BNC2: variants seen among roughly 807,000 people sequenced by gnomAD.
The protein encoded by BNC2 is basonuclin zinc finger protein 2, also known as zinc finger protein basonuclin-2.
BNC2 carries 20 observed loss-of-function variants against 76.3 expected under a neutral mutation model. The ratio of observed to expected loss-of-function variants is 0.26; its 90% CI spans 0.18 to 0.38. BNC2 has a LOEUF of 0.38. Among genes scored for constraint, BNC2 ranks in the 10% least tolerant of loss-of-function variants. The probability of loss-of-function intolerance (pLI) is 1.00; values close to 1 mark genes in which losing one functional copy is unlikely to be tolerated. For synonymous variants in BNC2, 582 were observed against 514.8 expected, an observed-to-expected ratio of 1.13 and a Z score of -1.77; for missense variants, 1,382 against 1,399.8, an observed-to-expected ratio of 0.99 and a Z score of 0.20.
intron 5 of BNC2, among the ~76,000 whole-genome samples, chr9:16,543,520 T>C (rs1034653503): frequency 6.6e-6 from 1 of 152,164 alleles, no homozygotes; most frequent in African/African-American, 2.4e-5. Context: ...CCTGGGGGAA[T>C]GCAAAAGCCT....
At chr9:16,690,558 C>T (rs1276878165) in intron 3 of BNC2, among the ~76,000 whole-genome samples, 2 of 152,110 alleles carry the variant, frequency 1.3e-5, no homozygotes, top group African/African-American at 4.8e-5. Context: ...AAATACAACA[C>T]AGTACTTATC....
intron 5 of BNC2, among the ~76,000 whole-genome samples, chr9:16,522,700 C>T (rs1313746585): frequency 6.6e-6 from 1 of 152,104 alleles, no homozygotes; most frequent in African/African-American, 2.4e-5. Context: ...CTTATTCCCC[C>T]TTTCCATCCA....
chr9:16,686,571 T>C (rs1822984801), intron 3 of BNC2, among the ~76,000 whole-genome samples: 1 of 152,226 alleles, frequency 6.6e-6, no homozygotes, highest in South Asian at 2.1e-4. Flanking sequence ...TTGTCTTCTT[T>C]CCCTATCAAA....
intron 3 of BNC2, among the ~76,000 whole-genome samples, chr9:16,594,069 G>A (rs1587212387): frequency 6.6e-6 from 1 of 152,074 alleles, no homozygotes; most frequent in East Asian, 1.9e-4. Flanking sequence ...AATATAATAT[G>A]ATAGAGAAGA....
chr9:16,663,130 C>CTTTTTTTTTTTTTTTTTTTTTTTTTTTT (rs71325979), intron 3 of BNC2, among the ~76,000 whole-genome samples: 6 of 99,610 alleles, frequency 6.0e-5, no homozygotes, highest in African/African-American at 2.1e-4. Flanking sequence ...TCTGTTTACT[C>CTTTTTTTTTTTTTTTTTTTTTTTTTTTT]TTTTTTTTTT....
chr9:16,615,394 G>A (rs1820669974), intron 3 of BNC2, among the ~76,000 whole-genome samples: 1 of 152,076 alleles, frequency 6.6e-6, no homozygotes, highest in African/African-American at 2.4e-5. Flanking sequence ...ATATATGCAA[G>A]GACTCTCTGA....
chr9:16,862,518 C>T (rs988842345), intron 1 of BNC2, among the ~76,000 whole-genome samples: 1 of 152,134 alleles, frequency 6.6e-6, no homozygotes, highest in Admixed American at 6.5e-5. Context: ...ATACCCCGTC[C>T]CAGCGCTGTT....
intron 1 of BNC2, among the ~76,000 whole-genome samples, chr9:16,840,405 A>T (rs566349384): frequency 6.6e-6 from 1 of 152,236 alleles, no homozygotes; most frequent in Non-Finnish European, 1.5e-5. Flanking sequence ...GAATGCCCAT[A>T]GTTAACATGG....
At chr9:16,792,213 A>T (rs1461043394) in intron 1 of BNC2, among the ~76,000 whole-genome samples, 1 of 148,312 alleles carries the variant, frequency 6.7e-6, no homozygotes, top group African/African-American at 2.5e-5. Context: ...AATCCTCATG[A>T]CAACCTACGT....
chr9:16,447,316 A>C (rs1318156847), intron 5 of BNC2, among the ~76,000 whole-genome samples: 2 of 152,136 alleles, frequency 1.3e-5, no homozygotes, highest in African/African-American at 4.8e-5. Context: ...CTCAGAGGAA[A>C]ATAAAATTAA....
intron 3 of BNC2, among the ~76,000 whole-genome samples, chr9:16,599,115 A>G (rs1476800020): frequency 1.3e-5 from 2 of 152,214 alleles, no homozygotes; most frequent in Non-Finnish European, 2.9e-5. Flanking sequence ...AGATTTGACT[A>G]CTCCAAAGAC....
intron 5 of BNC2, among the ~76,000 whole-genome samples, chr9:16,477,941 G>T (rs1821962262): frequency 6.6e-6 from 1 of 151,998 alleles, no homozygotes; most frequent in Non-Finnish European, 1.5e-5. Flanking sequence ...TTTTTTAGGT[G>T]CTTAGGAACT....
intron 4 of BNC2, among the ~76,000 whole-genome samples, chr9:16,573,039 G>A (rs1336100463): frequency 6.6e-6 from 1 of 151,852 alleles, no homozygotes; most frequent in African/African-American, 2.4e-5. Context: ...ACCAGCCTGG[G>A]CAACAAGACG....
Position 16,418,047 on chromosome 9 carries a change from T to G in BNC2, c.*942A>C, listed in dbSNP as rs569666648. The G allele has an allele frequency of 6.5e-6, 1 of 152,780 alleles. No individual in the cohort carries two copies. The highest frequency in any genetic ancestry group is 2.1e-4 in the South Asian group (1 of 4,828). 9.5% of individuals were successfully genotyped at this position (152,780 alleles called of 1,614,324 possible). ...TTTGTTTGGCATTTGTGCCCTATAC[T>G]GACCAGACCATTTTTATACAAGTGA... On this transcript the variant is annotated 3_prime_UTR_variant, in exon 7 of 7. Coordinates refer to ENST00000380672, the MANE Select transcript of BNC2 (RefSeq NM_017637.6).
At chr9:16,455,307 G>T (rs572903310) in intron 5 of BNC2, among the ~76,000 whole-genome samples, 1 of 152,292 alleles carries the variant, frequency 6.6e-6, no homozygotes, top group African/African-American at 2.4e-5. Context: ...GACTTGGTAA[G>T]ACTAAAATGG....
intron 5 of BNC2, among the ~76,000 whole-genome samples, chr9:16,439,297 C>T (rs1461288637): frequency 6.6e-6 from 1 of 152,070 alleles, no homozygotes; most frequent in African/African-American, 2.4e-5. Flanking sequence ...AATCATCAGG[C>T]AAACCAAAAT....
rs59379949 is a variant in BNC2 at position 16,652,452 on chromosome 9, C to A, written c.331-69367G>T. On this transcript the variant is annotated intron_variant, in intron 3 of 6. Coordinates refer to ENST00000380672, the MANE Select transcript of BNC2 (RefSeq NM_017637.6). ...ATGTAGAAAATAATGGGGCTTTTCA[C>A]GAAAGTGAATGCCTTACTTGTTATT... Among the ~76,000 whole-genome samples, 77 of 152,100 alleles carry A rather than the reference C, an allele frequency of 5.1e-4. 2 individuals are homozygous for A. The highest frequency in any genetic ancestry group is 1.8e-3 in the African/African-American group (75 of 41,470).
At chr9:16,659,413 T>C (rs146325215) in intron 3 of BNC2, among the ~76,000 whole-genome samples, 1 of 151,756 alleles carries the variant, frequency 6.6e-6, no homozygotes, top group Non-Finnish European at 1.5e-5. Flanking sequence ...ATTGAGACCA[T>C]CCTGGCCAAC....
intron 5 of BNC2, among the ~76,000 whole-genome samples, chr9:16,490,767 A>C (rs1340296456): frequency 1.3e-5 from 2 of 152,228 alleles, no homozygotes; most frequent in Non-Finnish European, 2.9e-5. Context: ...TTAAGAGAAG[A>C]GTCCCAACTT....
Sources: allele counts gnomAD v4.1 joint callset (sites outside exome capture counted in the v4.1 genomes callset), GRCh38; gene constraint gnomAD v4.1.1; transcripts MANE v1.5; gene names NCBI Gene and HGNC (gene_info 2026-07-23, HGNC 2026-07-21).